DPP10: variants seen among roughly 807,000 people sequenced by gnomAD.
DPP10 encodes dipeptidyl peptidase like 10.
In DPP10, 33 loss-of-function variants were observed where a neutral mutation model predicts 120.9. The observed-to-expected ratio is 0.27, with a 90% CI of 0.21 to 0.37. The LOEUF (loss-of-function observed/expected upper bound fraction) is 0.37. Among genes scored for constraint, DPP10 ranks in the 10% least tolerant of loss-of-function variants. The pLI is 1.00. For synonymous variants in DPP10, 337 were observed against 326.1 expected (o/e 1.03, Z -0.36); for missense variants, 816 against 942.8 (o/e 0.87, Z 1.76).
chr2:114,672,814 T>C (rs1698431051), intron 1 of DPP10, among the ~76,000 whole-genome samples: 1 of 152,186 alleles, frequency 6.6e-6, no homozygotes, highest in Admixed American at 6.5e-5. Flanking sequence ...TAGTGCCCTG[T>C]GACAGATCTA....
intron 7 of DPP10, among the ~76,000 whole-genome samples, chr2:115,717,404 A>G (rs1363041671): frequency 6.6e-6 from 1 of 152,080 alleles, no homozygotes; most frequent in Non-Finnish European, 1.5e-5. Context: ...AAATAAATAA[A>G]TAAATAAGAG....
intron 1 of DPP10, among the ~76,000 whole-genome samples, chr2:114,820,985 T>C (rs537754705): frequency 8.0e-4 from 121 of 152,126 alleles, no homozygotes; most frequent in African/African-American, 2.7e-3. Context: ...TTTTGAGAAG[T>C]GGAGAGTTTA....
At chr2:114,826,251 T>A (rs966694479) in intron 1 of DPP10, among the ~76,000 whole-genome samples, 3 of 152,158 alleles carry the variant, frequency 2.0e-5, no homozygotes, top group Non-Finnish European at 4.4e-5. Flanking sequence ...TAATTATATA[T>A]AATGGGAACA....
intron 1 of DPP10, among the ~76,000 whole-genome samples, chr2:115,294,773 A>T (rs927905927): frequency 1.5e-4 from 23 of 152,216 alleles, no homozygotes; most frequent in African/African-American, 5.1e-4. Context: ...TATGATGCTA[A>T]TAAGTATCAC....
chr2:114,933,113 G>A (rs1488466733), intron 1 of DPP10, among the ~76,000 whole-genome samples: 1 of 152,088 alleles, frequency 6.6e-6, no homozygotes, highest in Admixed American at 6.6e-5. Context: ...TATGAACAAA[G>A]CACTATGTTA....
At chr2:115,321,196 G>A (rs940182456) in intron 2 of DPP10, among the ~76,000 whole-genome samples, 5 of 152,110 alleles carry the variant, frequency 3.3e-5, no homozygotes, top group Non-Finnish European at 7.4e-5. Context: ...CGCTCCTTGG[G>A]AGCCTGAGGC....
At chr2:115,534,640 T>A (rs2148933417) in intron 5 of DPP10, among the ~76,000 whole-genome samples, 1 of 152,110 alleles carries the variant, frequency 6.6e-6, no homozygotes, top group Non-Finnish European at 1.5e-5. Flanking sequence ...ATGGGATGGC[T>A]GGATCAAATG....
At chr2:114,529,970 A>T (rs1166164540) in intron 1 of DPP10, among the ~76,000 whole-genome samples, 1 of 152,124 alleles carries the variant, frequency 6.6e-6, no homozygotes, top group Non-Finnish European at 1.5e-5. Flanking sequence ...TAATTTGCTA[A>T]GGATGATGGC....
chr2:114,856,094 C>T (rs1488325390), intron 1 of DPP10, among the ~76,000 whole-genome samples: 3 of 152,052 alleles, frequency 2.0e-5, no homozygotes, highest in East Asian at 1.9e-4. Flanking sequence ...GAGATCTGAA[C>T]ACTGGACCAG....
chr2:115,808,834 T>G (rs1686312855), intron 19 of DPP10, among the ~76,000 whole-genome samples: 1 of 152,218 alleles, frequency 6.6e-6, no homozygotes, highest in Admixed American at 6.5e-5. Flanking sequence ...ATGAACAGAA[T>G]TTTTTATACA....
intron 1 of DPP10, among the ~76,000 whole-genome samples, chr2:114,861,331 C>A (rs1406063717): frequency 6.6e-6 from 1 of 152,156 alleles, no homozygotes; most frequent in Non-Finnish European, 1.5e-5. Context: ...ACATGACAAC[C>A]ACACCAAACC....
chr2:115,165,904 A>T (rs1199460679), intron 1 of DPP10, among the ~76,000 whole-genome samples: 1 of 152,254 alleles, frequency 6.6e-6, no homozygotes, highest in Non-Finnish European at 1.5e-5. Flanking sequence ...CAAAGACAGC[A>T]CTTGTTATGC....
chr2:114,756,348 G>C (rs13390423), intron 1 of DPP10, among the ~76,000 whole-genome samples: 1,816 of 152,254 alleles, frequency 0.012, 31 homozygotes, highest in African/African-American at 0.041. Flanking sequence ...ATTTTTCCAT[G>C]AGAAGGCCCT....
intron 1 of DPP10, among the ~76,000 whole-genome samples, chr2:114,924,525 CA>C (rs59764051): frequency 0.17 from 19,720 of 114,092 alleles, 1,334 homozygotes; most frequent in Middle Eastern, 0.32. Flanking sequence ...GAATCTGTCT[CA>C]AAAAAAAAAA....
intron 5 of DPP10, among the ~76,000 whole-genome samples, chr2:115,674,140 G>T (rs552022701): frequency 6.6e-6 from 1 of 152,040 alleles, no homozygotes; most frequent in Non-Finnish European, 1.5e-5. Flanking sequence ...CAGGAGAATC[G>T]CTTGAACCTG....
chr2:114,814,259 G>A (rs1026635514), intron 1 of DPP10, among the ~76,000 whole-genome samples: 1 of 152,138 alleles, frequency 6.6e-6, no homozygotes, highest in African/African-American at 2.4e-5. Flanking sequence ...ATGGCAGCTA[G>A]TTAATATAGT....
intron 2 of DPP10, among the ~76,000 whole-genome samples, chr2:115,339,020 A>G (rs2063308448): frequency 6.6e-6 from 1 of 152,164 alleles, no homozygotes; most frequent in Non-Finnish European, 1.5e-5. Flanking sequence ...AAGACAACTT[A>G]CAGACTGGAG....
intron 1 of DPP10, among the ~76,000 whole-genome samples, chr2:115,203,785 C>T (rs2055916302): frequency 6.6e-6 from 1 of 152,072 alleles, no homozygotes; most frequent in Admixed American, 6.6e-5. Flanking sequence ...TTTATACTAT[C>T]CAATATATTT....
At chr2:115,567,137 C>A (rs1413523562) in intron 5 of DPP10, among the ~76,000 whole-genome samples, 1 of 150,516 alleles carries the variant, frequency 6.6e-6, no homozygotes, top group Non-Finnish European at 1.5e-5. Context: ...TTTTTCTTTT[C>A]AGCACATCTT....
Sources: gnomAD v4.1 joint callset for allele counts (sites outside exome capture counted in the v4.1 genomes callset) on GRCh38, gnomAD v4.1.1 for gene constraint, MANE v1.5 for transcripts, NCBI Gene and HGNC (gene_info 2026-07-23, HGNC 2026-07-21) for gene names.